Variants in AHCYL2 observed in about 807,000 individuals in gnomAD.
The protein encoded by AHCYL2 is S-adenosylhomocysteine hydrolase-like protein 2.
A neutral mutation model predicts 81.4 loss-of-function variants in AHCYL2; 28 were observed. The ratio of observed to expected loss-of-function variants is 0.34; its 90% CI spans 0.25 to 0.47. The LOEUF (loss-of-function observed/expected upper bound fraction) is 0.47. AHCYL2 is among the 20% of genes least tolerant of loss of function. The pLI, the probability that AHCYL2 is intolerant of heterozygous loss-of-function variation, is 1.00. For synonymous variants in AHCYL2, 272 were observed against 290.2 expected, an observed-to-expected ratio of 0.94 and a Z score of 0.64; for missense variants, 551 against 785.1, an observed-to-expected ratio of 0.70 and a Z score of 3.56.
chr7:129,228,669 C>T (rs886313848), intron 1 of AHCYL2, among the ~76,000 whole-genome samples: 1 of 152,202 alleles, frequency 6.6e-6, no homozygotes, highest in African/African-American at 2.4e-5. Flanking sequence ...GCAGGGAAAA[C>T]AAGGCAGGAG....
chr7:129,335,066 A>C (rs1237706748), intron 1 of AHCYL2, among the ~76,000 whole-genome samples: 1 of 152,226 alleles, frequency 6.6e-6, no homozygotes, highest in Non-Finnish European at 1.5e-5. Flanking sequence ...AAATTGTCTG[A>C]AATTCTAAGG....
At chr7:129,239,430 AT>A (rs780374168) in intron 1 of AHCYL2, among the ~76,000 whole-genome samples, 697 of 141,696 alleles carry the variant, frequency 4.9e-3, no homozygotes, top group Middle Eastern at 7.2e-3. Context: ...ATTTTTATTA[AT>A]TTTTTTTTTT....
chr7:129,307,670 A>G (rs925725996), intron 1 of AHCYL2, among the ~76,000 whole-genome samples: 1 of 151,776 alleles, frequency 6.6e-6, no homozygotes, highest in African/African-American at 2.4e-5. Flanking sequence ...TCTCAAGCAG[A>G]AGGATTCTCT....
At chr7:129,398,578 C>G (rs1795861501) in intron 5 of AHCYL2, among the ~76,000 whole-genome samples, 1 of 149,420 alleles carries the variant, frequency 6.7e-6, no homozygotes, top group Admixed American at 6.7e-5. Flanking sequence ...GGGGTTTCAC[C>G]ATGTTAGTCA....
At chr7:129,379,772 C>T (rs778465214) in intron 2 of AHCYL2, 23 bp downstream of exon 2, 9 of 1,589,910 alleles carry the variant, frequency 5.7e-6, no homozygotes, top group South Asian at 1.1e-5. Flanking sequence ...CTGCTGTGGA[C>T]CCAGCTGTTG....
rs35236990 is a variant in AHCYL2, at chr7:129,273,321, CTTTTTTTTTTT to C, written c.363+47896_363+47906del. 3.4e-4 allele frequency among the ~76,000 whole-genome samples: 26 copies of C among 75,898 alleles called. 1 individual carries two copies. In the South Asian group the frequency reaches 6.9e-3, roughly 20 times the overall value. The allele number at this position is 75,898 out of a possible 152,430, so 49.8% of individuals were successfully genotyped here. A position where few individuals can be genotyped will look rare whatever the true frequency, so the allele number is the denominator to read the frequency against. On this transcript the variant is annotated intron_variant, in intron 1 of 16. Transcript: ENST00000325006. ...GCAACTGTAAATCCCTTTGCTAAGA[CTTTTTTTTTTT>C]TTTTTTTTTTTTTGAGACGGAGTTT...
At position 129,374,581 on chromosome 7, in the gene AHCYL2, G is replaced by A. The variant is rs1340618516; in HGVS notation, c.364-5057G>A. On this transcript the variant is annotated intron_variant, in intron 1 of 16. Transcript: ENST00000325006. ...CTAGCACTTTGGGAGGCCGAGGCAG[G>A]TGGATCACTTGAGGTCTGGAGTTCA... is the stretch of plus-strand genomic sequence containing the variant. Among the ~76,000 whole-genome samples the A allele has an allele frequency of 3.9e-5, 6 of 152,014 alleles. 1 individual carries two copies. In the South Asian group the frequency reaches 1.2e-3, roughly 32 times the overall value.
At chr7:129,372,920 T>C (rs1794481209) in intron 1 of AHCYL2, among the ~76,000 whole-genome samples, 1 of 152,140 alleles carries the variant, frequency 6.6e-6, no homozygotes, top group South Asian at 2.1e-4. Flanking sequence ...GTTATAGCCA[T>C]GATAGGATAG....
chr7:129,364,092 TG>T (rs1457780498), intron 1 of AHCYL2, among the ~76,000 whole-genome samples: 9 of 151,692 alleles, frequency 5.9e-5, no homozygotes, highest in Non-Finnish European at 1.3e-4. Flanking sequence ...TTCAAAAATG[TG>T]CCAGGTGTGG....
intron 4 of AHCYL2, 62 bp downstream of exon 4, chr7:129,389,796 A>G (rs1431808740): frequency 7.2e-7 from 1 of 1,380,376 alleles, no homozygotes; most frequent in Non-Finnish European, 9.9e-7. Context: ...AGCTACTGAA[A>G]GCTTACAACA....
chr7:129,398,669 G>A (rs112320975), intron 5 of AHCYL2, among the ~76,000 whole-genome samples: 3 of 151,220 alleles, frequency 2.0e-5, no homozygotes, highest in African/African-American at 4.9e-5. Flanking sequence ...GTGAGCCACC[G>A]CACCCGGCTG....
rs955631943 is a variant in AHCYL2, at chr7:129,249,449, T to C, written c.363+24010T>C. 7.2e-5 allele frequency among the ~76,000 whole-genome samples: 11 copies of C among 152,166 alleles called. No individual in the cohort carries two copies. The East Asian group carries it at 7.8e-4, about 11-fold the overall frequency. On this transcript the variant is annotated intron_variant, in intron 1 of 16. Transcript: ENST00000325006. ...TCTTTTTTTTTTTGAGACGGAGTCT[T>C]GCTCTGTCGCCCAGGCCGGACTGCG...
intron 1 of AHCYL2, among the ~76,000 whole-genome samples, chr7:129,256,563 T>C: frequency 6.6e-4 from 1 of 1,504 alleles, no homozygotes; most frequent in Non-Finnish European, 2.0e-3. Context: ...CCCCCCCGCC[T>C]TAATCTATCT....
In AHCYL2 at chr7:129,290,155, G is replaced by A. The variant is rs142267548; in HGVS notation, c.363+64716G>A. ...TCTTTCTGTCCATGGTGCCTAGTGC[G>A]TGGCTTTCAATAAATGTCAAATGAA... is the stretch of plus-strand genomic sequence containing the variant. On this transcript the variant is annotated intron_variant, in intron 1 of 16. Transcript: ENST00000325006. Among the ~76,000 whole-genome samples, 851 of 152,278 alleles carry A rather than the reference G, an allele frequency of 5.6e-3. 32 individuals carry two copies. Among genetic ancestry groups the A allele is most frequent in the Admixed American group, 0.046 (701 of 15,300 alleles).
intron 1 of AHCYL2, among the ~76,000 whole-genome samples, chr7:129,311,437 C>G (rs537313037): frequency 2.0e-5 from 3 of 152,326 alleles, no homozygotes; most frequent in African/African-American, 7.2e-5. Context: ...GTCCCAAACT[C>G]TCCTGAATTC....
At chr7:129,321,766 G>GTTTTTTTTTTTTTTTTTTTT (rs1315391980) in intron 1 of AHCYL2, among the ~76,000 whole-genome samples, 6 of 107,452 alleles carry the variant, frequency 5.6e-5, no homozygotes, top group Admixed American at 1.1e-4. Context: ...TTTTTTTTTG[G>GTTTTTTTTTTTTTTTTTTTT]TCTTGGTTTT....
intron 1 of AHCYL2, among the ~76,000 whole-genome samples, chr7:129,326,726 C>G (rs1798239665): frequency 6.6e-6 from 1 of 151,912 alleles, no homozygotes; most frequent in Admixed American, 6.6e-5. Flanking sequence ...TAATTACAAG[C>G]AGAATGAACT....
intron 1 of AHCYL2, among the ~76,000 whole-genome samples, chr7:129,267,412 C>T (rs1795852210): frequency 6.6e-6 from 1 of 152,138 alleles, no homozygotes; most frequent in Non-Finnish European, 1.5e-5. Context: ...TCAAGCGAGT[C>T]TCCTGCCTCA....
intron 2 of AHCYL2, among the ~76,000 whole-genome samples, chr7:129,386,928 C>G (rs1036370258): frequency 9.9e-5 from 15 of 152,080 alleles, no homozygotes; most frequent in African/African-American, 2.9e-4. Context: ...GAGTAAGAAC[C>G]CTTAAAGATG....
Sources: allele counts gnomAD v4.1 joint callset (sites outside exome capture counted in the v4.1 genomes callset), GRCh38; gene constraint gnomAD v4.1.1; transcripts MANE v1.5; gene names NCBI Gene and HGNC (gene_info 2026-07-23, HGNC 2026-07-21).